The following TYW1 variants were observed in gnomAD, a reference collection of about 807,000 sequenced individuals.
TYW1 encodes tRNA-yW synthesizing protein 1 homolog.
TYW1 carries 46 observed loss-of-function variants against 96.2 expected under a neutral mutation model. The ratio of observed to expected loss-of-function variants is 0.48; its 90% confidence interval spans 0.38 to 0.61. The LOEUF is 0.61. TYW1 is among the 20% of genes least tolerant of loss of function. TYW1 has a pLI of 0.00. For missense variants in TYW1, 684 were observed against 909.6 expected, an observed-to-expected ratio of 0.75 and a Z score of 3.19; for synonymous variants, 274 against 323.0, an observed-to-expected ratio of 0.85 and a Z score of 1.63.
chr7:67,145,349 C>A (rs1269668429), intron 13 of TYW1, among the ~76,000 whole-genome samples: 2 of 151,908 alleles, frequency 1.3e-5, no homozygotes, highest in African/African-American at 4.8e-5. Flanking sequence ...CGGGGTTTCA[C>A]CGTGTTAGCC....
Position 67,184,178 on chromosome 7 carries a change from A to T in TYW1, c.1809+942A>T, listed in dbSNP as rs1799928866. On this transcript the variant is annotated intron_variant, in intron 14 of 15. Coordinates refer to ENST00000359626, the MANE Select transcript of TYW1 (RefSeq NM_018264.4). Reference sequence around the variant, plus strand: ...CTGGGCTCATACCTAAAAATTTTCAACTAAAAATTTTAATTTCCTCTTCTA... The same window carrying T: ...CTGGGCTCATACCTAAAAATTTTCATCTAAAAATTTTAATTTCCTCTTCTA... Among the ~76,000 whole-genome samples, 3 of 152,326 alleles carry T rather than the reference A, an allele frequency of 2.0e-5. No homozygotes were observed. The South Asian group carries it at 6.2e-4, about 32-fold the overall frequency.
chr7:67,092,744 G>A (rs1457205999), intron 11 of TYW1, among the ~76,000 whole-genome samples: 1 of 133,812 alleles, frequency 7.5e-6, no homozygotes, highest in Non-Finnish European at 1.6e-5. Flanking sequence ...GTGCAGTGGT[G>A]AGATCTCGGC....
At chr7:67,237,123 C>T (rs1374644880) in intron 15 of TYW1, among the ~76,000 whole-genome samples, 14 of 152,150 alleles carry the variant, frequency 9.2e-5, no homozygotes, top group Non-Finnish European at 1.5e-4. Flanking sequence ...TGACCTCAGG[C>T]GATCCACCTG....
intron 13 of TYW1, among the ~76,000 whole-genome samples, chr7:67,127,812 T>C (rs1404773831): frequency 1.3e-5 from 2 of 152,136 alleles, no homozygotes; most frequent in Admixed American, 1.3e-4. Context: ...TTGAAGGACA[T>C]TTTCATAGGG....
intron 13 of TYW1, among the ~76,000 whole-genome samples, chr7:67,160,767 CT>C (rs1799137310): frequency 6.6e-6 from 1 of 150,950 alleles, no homozygotes; most frequent in Middle Eastern, 3.2e-3. Context: ...AATTTTTGTA[CT>C]TTTAGTAGAG....
At chr7:67,100,543 A>G (rs1197427905) in intron 12 of TYW1, among the ~76,000 whole-genome samples, 2 of 152,036 alleles carry the variant, frequency 1.3e-5, no homozygotes, top group Non-Finnish European at 2.9e-5. Context: ...CCAATAAAGT[A>G]TAAGATTGTA....
In TYW1 at chr7:67,233,963, A is replaced by T. The variant is rs1423681855; in HGVS notation, c.1978-4345A>T. ...AGGTCCTAACTCCCAGCGTGGCTAT[A>T]TTTGGAGATGGGGTTTCAAAGGAAG... On this transcript the variant is annotated intron_variant, in intron 15 of 15. Transcript: ENST00000359626. 2.2e-4 allele frequency among the ~76,000 whole-genome samples: 30 copies of T among 134,852 alleles called. 9 individuals carry two copies. Among genetic ancestry groups the T allele is most frequent in the African/African-American group, 6.6e-4 (22 of 33,552 alleles). The allele number at this position is 134,852 out of a possible 152,430, so 88.5% of individuals were successfully genotyped here.
chr7:67,082,114 G>A (rs1262301044), intron 10 of TYW1, among the ~76,000 whole-genome samples: 6 of 151,380 alleles, frequency 4.0e-5, no homozygotes, highest in Non-Finnish European at 5.9e-5. Context: ...TACAGGCCTC[G>A]ATTTTCCTTT....
intron 15 of TYW1, among the ~76,000 whole-genome samples, chr7:67,206,586 G>A (rs996896504): frequency 3.3e-5 from 5 of 151,662 alleles, no homozygotes; most frequent in African/African-American, 9.7e-5. Flanking sequence ...AGCCAAGATC[G>A]TGCCACTGGG....
chr7:67,140,407 A>C (rs1798411872), intron 13 of TYW1, among the ~76,000 whole-genome samples: 1 of 152,236 alleles, frequency 6.6e-6, no homozygotes, highest in Non-Finnish European at 1.5e-5. Flanking sequence ...TACAATTTTA[A>C]AAGAAATTAA....
chr7:67,226,077 A>G (rs1801552799), intron 15 of TYW1, among the ~76,000 whole-genome samples: 2 of 152,180 alleles, frequency 1.3e-5, no homozygotes, highest in Admixed American at 1.3e-4. Context: ...TGAAACCACC[A>G]TTGCAAAATT....
chr7:67,051,042 C>T (rs1795339961), intron 8 of TYW1, among the ~76,000 whole-genome samples: 1 of 152,022 alleles, frequency 6.6e-6, no homozygotes, highest in South Asian at 2.1e-4. Context: ...GAGACATATG[C>T]CACCATGCTC....
intron 14 of TYW1, among the ~76,000 whole-genome samples, chr7:67,194,851 T>C (rs1327562663): frequency 6.9e-6 from 1 of 144,420 alleles, no homozygotes; most frequent in African/African-American, 2.7e-5. Context: ...CAGATGAATC[T>C]GAATCAAAAG....
chr7:67,149,329 A>C (rs888884304), intron 13 of TYW1, among the ~76,000 whole-genome samples: 1 of 152,264 alleles, frequency 6.6e-6, no homozygotes, highest in Non-Finnish European at 1.5e-5. Flanking sequence ...ATATTAGTGC[A>C]TCTGGGAAAT....
chr7:67,019,750 A>G (rs955527674), intron 6 of TYW1, among the ~76,000 whole-genome samples: 22 of 152,270 alleles, frequency 1.4e-4, no homozygotes, highest in Non-Finnish European at 2.8e-4. Context: ...GCAGGTTTTT[A>G]AAAGCAAAGG....
intron 7 of TYW1, among the ~76,000 whole-genome samples, chr7:67,037,716 C>T (rs1175542735): frequency 2.0e-5 from 3 of 151,916 alleles, no homozygotes; most frequent in Admixed American, 6.6e-5. Context: ...GCCTGTAATC[C>T]CAGCACTTTG....
At chr7:67,217,924 T>A (rs1162855661) in intron 15 of TYW1, among the ~76,000 whole-genome samples, 1 of 146,352 alleles carries the variant, frequency 6.8e-6, no homozygotes, top group African/African-American at 2.5e-5. Flanking sequence ...AATGATGTGA[T>A]CTTGGCTCAC....
chr7:67,059,991 T>A (rs1795645307), intron 9 of TYW1, among the ~76,000 whole-genome samples: 1 of 152,084 alleles, frequency 6.6e-6, no homozygotes, highest in African/African-American at 2.4e-5. Context: ...CAGGCTGGTC[T>A]CGAACTCTTG....
intron 15 of TYW1, among the ~76,000 whole-genome samples, chr7:67,235,087 C>T (rs1801842529): frequency 6.6e-6 from 1 of 152,058 alleles, no homozygotes; most frequent in South Asian, 2.1e-4. Context: ...CCAGAGGGGT[C>T]AGACTTCAGA....
Sources: gnomAD v4.1 joint callset for allele counts (sites outside exome capture counted in the v4.1 genomes callset) on GRCh38, gnomAD v4.1.1 for gene constraint, MANE v1.5 for transcripts, NCBI Gene and HGNC (gene_info 2026-07-23, HGNC 2026-07-21) for gene names.